The following UGT2A2 variants were observed in gnomAD, a reference collection of about 807,000 sequenced individuals.
UGT2A2 encodes the protein UDP glucuronosyltransferase family 2 member A2.
Under a neutral mutation model 50.7 loss-of-function variants are expected in UGT2A2, and 60 were observed. That is an observed-to-expected ratio of 1.18 (90% CI 0.96 to 1.47). The LOEUF (loss-of-function observed/expected upper bound fraction) is 1.47. Among genes scored for constraint, UGT2A2 ranks in the 40% most tolerant of loss-of-function variants. The pLI is 0.00. For missense variants in UGT2A2, 762 were observed against 634.0 expected, an observed-to-expected ratio of 1.20 and a Z score of -2.17; for synonymous variants, 242 against 214.6, an observed-to-expected ratio of 1.13 and a Z score of -1.11.
chr4:69,631,185 G>A (rs905738869), intron 1 of UGT2A2, among the ~76,000 whole-genome samples: 1 of 152,094 alleles, frequency 6.6e-6, no homozygotes. Flanking sequence ...TAGGGCTTGA[G>A]TGAATCCTAG....
intron 5 of UGT2A2, among the ~76,000 whole-genome samples, chr4:69,590,905 G>A (rs1718561275): frequency 6.6e-6 from 1 of 151,938 alleles, no homozygotes; most frequent in Non-Finnish European, 1.5e-5. Flanking sequence ...AAATTACAAT[G>A]GTCTATTCAA....
chr4:69,593,508 T>C (rs895687875), intron 5 of UGT2A2, among the ~76,000 whole-genome samples: 2 of 151,098 alleles, frequency 1.3e-5, no homozygotes, highest in South Asian at 4.2e-4. Context: ...GAGAAAAAAA[T>C]AAGACACAAT....
At chr4:69,612,272 T>C (rs1720109364) in intron 1 of UGT2A2, among the ~76,000 whole-genome samples, 1 of 151,954 alleles carries the variant, frequency 6.6e-6, no homozygotes, top group Non-Finnish European at 1.5e-5. Context: ...CTATCGTGAG[T>C]TGGAAGATAG....
In UGT2A2 at chr4:69,639,536, C is replaced by G; in HGVS notation, c.105G>C (p.Trp35Cys). ...TTAACCAATGGCTACCATCTGTAGG[C>G]CAAATTAACACATTCCCACTTAGAA... ...EVVLSGNVLI[W>C]PTDGSHWLNI... The change falls in exon 1 of 6, where the codon TGG (tryptophan) becomes TGC (cysteine). Residue 35 changes from tryptophan (W) to cysteine (C), a missense_variant. Coordinates refer to ENST00000604629, the MANE Select transcript of UGT2A2 (RefSeq NM_001105677.2). 3 of 1,613,018 alleles carry G rather than the reference C, an allele frequency of 1.9e-6. No homozygotes were observed. The highest frequency in any genetic ancestry group is 8.5e-7 in the Non-Finnish European group (1 of 1,179,472).
In UGT2A2 at chr4:69,606,746, G is replaced by A. The variant is rs1274366253; in HGVS notation, c.743-7352C>T. ...AAGTCTCAGGATACAAAATCAATGT[G>A]CAAAAATCACAAGCATTCTTATACA... is the stretch of plus-strand genomic sequence containing the variant. On this transcript the variant is annotated intron_variant, in intron 1 of 5. Transcript: ENST00000604629. Among the ~76,000 whole-genome samples, 4 of 136,532 alleles carry A rather than the reference G, an allele frequency of 2.9e-5. 1 individual carries two copies. The highest frequency in any genetic ancestry group is 5.9e-5 in the African/African-American group (2 of 33,666). The allele number at this position is 136,532 out of a possible 152,430, so 89.6% of individuals were successfully genotyped here. A position where few individuals can be genotyped will look rare whatever the true frequency, so the allele number is the denominator to read the frequency against.
At position 69,603,512 on chromosome 4, in the gene UGT2A2, C is replaced by T. The variant is rs1310939992; in HGVS notation, c.743-4118G>A. On this transcript the variant is annotated intron_variant, in intron 1 of 5. Transcript: ENST00000604629. The stretch of plus-strand genomic sequence containing the variant: ...GGAAACTCTAAAAATCAGAGTGCCT[C>T]TCCTCCTCCAAAGGAAAGCAGCTCC... The T allele has an allele frequency of 2.2e-5, 3 of 136,700 alleles. 1 individual carries two copies. Among genetic ancestry groups the T allele is most frequent in the Non-Finnish European group, 4.7e-5 (3 of 64,318 alleles). 8.5% of individuals were successfully genotyped at this position (136,700 alleles called of 1,614,324 possible). A position where few individuals can be genotyped will look rare whatever the true frequency, so the allele number is the denominator to read the frequency against.
intron 1 of UGT2A2, among the ~76,000 whole-genome samples, chr4:69,612,418 C>A (rs1357509080): frequency 6.6e-6 from 1 of 151,730 alleles, no homozygotes; most frequent in Admixed American, 6.6e-5. Context: ...TTATATGGAA[C>A]CAAAATAAAG....
intron 5 of UGT2A2, among the ~76,000 whole-genome samples, chr4:69,592,180 C>T (rs1718631955): frequency 1.3e-5 from 2 of 152,048 alleles, no homozygotes; most frequent in South Asian, 4.1e-4. Flanking sequence ...GCACTAAATT[C>T]CATCCGAGTT....
chr4:69,634,711 A>T (rs899489806), intron 1 of UGT2A2, among the ~76,000 whole-genome samples: 1 of 152,212 alleles, frequency 6.6e-6, no homozygotes, highest in Non-Finnish European at 1.5e-5. Flanking sequence ...GATAAAATTC[A>T]TCATCCTTTT....
Position 69,603,667 on chromosome 4 carries a change from G to C in UGT2A2, c.743-4273C>G, listed in dbSNP as rs1050054656. 3.7e-5 allele frequency: 5 copies of C among 135,516 alleles called. No homozygotes were observed. In the East Asian group the frequency reaches 1.0e-3, roughly 28 times the overall value. 8.4% of individuals were successfully genotyped at this position (135,516 alleles called of 1,614,324 possible). ...CCATGGCAAAGAGGTTAAAAACCTT[G>C]AAAAAAAATTAGACGAATGGCTAAC... On this transcript the variant is annotated intron_variant, in intron 1 of 5. Coordinates refer to ENST00000604629, the MANE Select transcript of UGT2A2 (RefSeq NM_001105677.2).
chr4:69,590,570 C>T (rs1577937529), intron 5 of UGT2A2, among the ~76,000 whole-genome samples: 1 of 151,820 alleles, frequency 6.6e-6, no homozygotes, highest in East Asian at 1.9e-4. Context: ...GAATGGGGAA[C>T]ATGGTCATCA....
chr4:69,597,606 G>T lies in UGT2A2; in HGVS notation c.892-1225C>A, dbSNP rs185018725. Among the ~76,000 whole-genome samples the T allele has an allele frequency of 1.6e-4, 24 of 152,212 alleles. No homozygotes were observed. In the South Asian group the frequency reaches 1.7e-3, roughly 11 times the overall value. ...GAGGGTGATATCTTAAGTGAAAATA[G>T]ATTGCTATTTTTGGCTTAGTTAATG... On this transcript the variant is annotated intron_variant, in intron 2 of 5. Coordinates refer to ENST00000604629, the MANE Select transcript of UGT2A2 (RefSeq NM_001105677.2).
At chr4:69,614,382 C>T (rs1390953692) in intron 1 of UGT2A2, among the ~76,000 whole-genome samples, 1 of 151,796 alleles carries the variant, frequency 6.6e-6, no homozygotes, top group Admixed American at 6.6e-5. Context: ...AGCATTAAAA[C>T]GTCTATAGCA....
intron 1 of UGT2A2, among the ~76,000 whole-genome samples, chr4:69,623,561 TAC>T (rs1398046983): frequency 5.3e-5 from 8 of 151,224 alleles, no homozygotes; most frequent in African/African-American, 1.9e-4. Context: ...AATAATATTT[TAC>T]ATTATTTAAT....
At chr4:69,637,894 G>A (rs1721803618) in intron 1 of UGT2A2, among the ~76,000 whole-genome samples, 1 of 150,068 alleles carries the variant, frequency 6.7e-6, no homozygotes, top group African/African-American at 2.5e-5. Flanking sequence ...AAAAAAGGAA[G>A]GAAGGCAAGA....
intron 1 of UGT2A2, among the ~76,000 whole-genome samples, chr4:69,637,140 T>A (rs963304941): frequency 6.6e-6 from 1 of 152,158 alleles, no homozygotes; most frequent in Non-Finnish European, 1.5e-5. Flanking sequence ...TTTGAAGGCA[T>A]ATAAAATTTG....
At chr4:69,606,686 C>T (rs1376044838) in intron 1 of UGT2A2, among the ~76,000 whole-genome samples, 1 of 136,270 alleles carries the variant, frequency 7.3e-6, no homozygotes, top group Non-Finnish European at 1.6e-5. Flanking sequence ...TCGTCTCAGC[C>T]CAAAATCTCC....
Position 69,638,903 on chromosome 4 carries a change from A to C in UGT2A2, c.738T>G (p.Ile246Met). 1 of 1,576,396 alleles carries C rather than the reference A, an allele frequency of 6.3e-7. No homozygotes were observed. Among genetic ancestry groups the C allele is most frequent in the South Asian group, 1.2e-5 (1 of 85,658 alleles). Residue 246 changes from isoleucine (I) to methionine (M), a missense_variant, in exon 1 of 6, where the codon ATT becomes ATG. Coordinates refer to ENST00000604629, the MANE Select transcript of UGT2A2 (RefSeq NM_001105677.2). ...WGEWNSYYSK[I>M]LGRPTTLCET... ...AAGAGAAAATTTTAGACTTACCTAA[A>C]ATTTTGCTATAGTATGAATTCCATT...
intron 1 of UGT2A2, among the ~76,000 whole-genome samples, chr4:69,626,535 G>A (rs1251392710): frequency 6.6e-6 from 1 of 151,438 alleles, no homozygotes; most frequent in Non-Finnish European, 1.5e-5. Flanking sequence ...TGGGTATTAT[G>A]CTCACTACTG....
Sources: allele counts gnomAD v4.1 joint callset (sites outside exome capture counted in the v4.1 genomes callset), GRCh38; gene constraint gnomAD v4.1.1; transcripts MANE v1.5; gene names NCBI Gene and HGNC (gene_info 2026-07-23, HGNC 2026-07-21).